SSBP3: variants seen among roughly 807,000 people sequenced by gnomAD.
SSBP3 encodes the protein single stranded DNA binding protein 3, also known as single-stranded DNA-binding protein 3.
A neutral mutation model predicts 69.6 loss-of-function variants in SSBP3; 5 were observed. That is an observed-to-expected ratio of 0.07 (90% CI 0.04 to 0.15). SSBP3 has a LOEUF of 0.15. Ranked by LOEUF, SSBP3 falls within the 10% of genes least tolerant of loss-of-function variation. The pLI, the probability that SSBP3 is intolerant of heterozygous loss-of-function variation, is 1.00. For synonymous variants in SSBP3, 196 were observed against 193.4 expected, an observed-to-expected ratio of 1.01 and a Z score of -0.11; for missense variants, 312 against 534.0, an observed-to-expected ratio of 0.58 and a Z score of 4.10.
chr1:54,318,295 G>C (rs1370491613), intron 4 of SSBP3, among the ~76,000 whole-genome samples: 1 of 152,142 alleles, frequency 6.6e-6, no homozygotes, highest in Non-Finnish European at 1.5e-5. Flanking sequence ...GTGCATGTGC[G>C]TACAGAGAGC....
intron 4 of SSBP3, among the ~76,000 whole-genome samples, chr1:54,393,020 A>T (rs1648607906): frequency 6.6e-6 from 1 of 152,160 alleles, no homozygotes. Context: ...GCAGGGGAGG[A>T]AAAAACCCTC....
At chr1:54,374,143 T>C (rs1341511980) in intron 4 of SSBP3, among the ~76,000 whole-genome samples, 1 of 152,178 alleles carries the variant, frequency 6.6e-6, no homozygotes, top group Non-Finnish European at 1.5e-5. Context: ...GCAGCTTTCT[T>C]AGGAGAAGTT....
At chr1:54,244,050 C>G (rs1299863720) in intron 9 of SSBP3, among the ~76,000 whole-genome samples, 1 of 152,134 alleles carries the variant, frequency 6.6e-6, no homozygotes, top group Admixed American at 6.5e-5. Context: ...CCACCTGAGC[C>G]TCTCATGTAG....
At chr1:54,347,789 A>G (rs997661809) in intron 4 of SSBP3, among the ~76,000 whole-genome samples, 5 of 149,958 alleles carry the variant, frequency 3.3e-5, no homozygotes, top group East Asian at 3.8e-4. Context: ...ACGCTGGAAG[A>G]TAAGAGAAAG....
chr1:54,403,385 T>C (rs1183554634), intron 3 of SSBP3, among the ~76,000 whole-genome samples: 1 of 152,282 alleles, frequency 6.6e-6, no homozygotes, highest in South Asian at 2.1e-4. Context: ...CTCATAAGCC[T>C]AAGTAACCTT....
intron 9 of SSBP3, among the ~76,000 whole-genome samples, chr1:54,250,551 CACT>C (rs1644810384): frequency 6.6e-6 from 1 of 150,414 alleles, no homozygotes; most frequent in Non-Finnish European, 1.5e-5. Flanking sequence ...TGGGGGGGGG[CACT>C]ACTCCACCCT....
intron 4 of SSBP3, among the ~76,000 whole-genome samples, chr1:54,290,314 C>T (rs1432000416): frequency 6.6e-6 from 1 of 152,172 alleles, no homozygotes; most frequent in Non-Finnish European, 1.5e-5. Flanking sequence ...AAACATGACC[C>T]TTAGGTAAGG....
intron 9 of SSBP3, among the ~76,000 whole-genome samples, chr1:54,245,653 G>A (rs958345209): frequency 1.3e-5 from 2 of 152,192 alleles, no homozygotes; most frequent in South Asian, 2.1e-4. Context: ...AGCCAGACCC[G>A]GAGCCAGAGA....
intron 4 of SSBP3, among the ~76,000 whole-genome samples, chr1:54,306,907 C>T (rs982376002): frequency 1.3e-5 from 2 of 152,170 alleles, no homozygotes; most frequent in African/African-American, 2.4e-5. Flanking sequence ...GCGCCTAACA[C>T]GAGGCTCTTT....
chr1:54,317,491 T>G (rs971101871), intron 4 of SSBP3, among the ~76,000 whole-genome samples: 2 of 151,220 alleles, frequency 1.3e-5, no homozygotes, highest in Admixed American at 1.3e-4. Flanking sequence ...GAGCAGAGGT[T>G]GCACCACTGC....
chr1:54,237,348 C>CT, intron 14 of SSBP3: 2 of 152,326 alleles, frequency 1.3e-5, no homozygotes, highest in Middle Eastern at 3.4e-3. Context: ...ATCAAGGGAA[C>CT]AAGATGATAA....
chr1:54,402,094 A>G (rs1649345294), intron 3 of SSBP3, 149 bp from the exon 4 acceptor site: 2 of 629,230 alleles, frequency 3.2e-6, no homozygotes, highest in South Asian at 2.3e-5. Flanking sequence ...CAGCCTAGAA[A>G]ACAAAACACG....
intron 4 of SSBP3, among the ~76,000 whole-genome samples, chr1:54,289,028 A>AAAC (rs1645549157): frequency 1.3e-5 from 1 of 74,532 alleles, no homozygotes; most frequent in Non-Finnish European, 2.6e-5. Context: ...TCCAAAAAAA[A>AAAC]AAAAAAAACA....
intron 4 of SSBP3, among the ~76,000 whole-genome samples, chr1:54,373,789 G>A (rs1647174330): frequency 6.7e-6 from 1 of 149,250 alleles, no homozygotes; most frequent in African/African-American, 2.4e-5. Flanking sequence ...AAAAAAAACA[G>A]GAATGCCTCT....
At chr1:54,315,601 A>T (rs1233211695) in intron 4 of SSBP3, among the ~76,000 whole-genome samples, 24 of 128,832 alleles carry the variant, frequency 1.9e-4, no homozygotes, top group East Asian at 6.4e-4. Context: ...TTTTTAATTT[A>T]AAAAAAAAAA....
At chr1:54,283,581 T>C (rs1645434986) in intron 4 of SSBP3, among the ~76,000 whole-genome samples, 1 of 152,186 alleles carries the variant, frequency 6.6e-6, no homozygotes, top group Admixed American at 6.5e-5. Flanking sequence ...GACAGCTCTG[T>C]GAATCTAGCA....
At chr1:54,264,348 C>T (rs1397625763) in intron 5 of SSBP3, among the ~76,000 whole-genome samples, 3 of 152,182 alleles carry the variant, frequency 2.0e-5, no homozygotes, top group Non-Finnish European at 2.9e-5. Context: ...AAACCTACAC[C>T]GATTTTTTAA....
intron 4 of SSBP3, among the ~76,000 whole-genome samples, chr1:54,301,247 C>A (rs1295724021): frequency 3.3e-5 from 5 of 152,182 alleles, no homozygotes; most frequent in Admixed American, 2.6e-4. Flanking sequence ...CTCACCTGGA[C>A]CATTTGGCAG....
intron 4 of SSBP3, among the ~76,000 whole-genome samples, chr1:54,281,987 T>G (rs893956466): frequency 4.0e-5 from 6 of 151,694 alleles, no homozygotes; most frequent in Non-Finnish European, 7.4e-5. Flanking sequence ...TTCCACTTAC[T>G]CGGGAGGTTG....
Sources: allele counts gnomAD v4.1 joint callset (sites outside exome capture counted in the v4.1 genomes callset), GRCh38; gene constraint gnomAD v4.1.1; transcripts MANE v1.5; gene names NCBI Gene and HGNC (gene_info 2026-07-23, HGNC 2026-07-21).